The following TNRC6A variants were observed in gnomAD, a reference collection of about 807,000 sequenced individuals.
The protein encoded by TNRC6A is trinucleotide repeat containing adaptor 6A.
A neutral mutation model predicts 221.2 loss-of-function variants in TNRC6A; 44 were observed. The observed-to-expected ratio is 0.20, with a 90% CI of 0.16 to 0.26. The LOEUF (loss-of-function observed/expected upper bound fraction) is 0.26, where lower values mean the gene tolerates loss of function less well. Among genes scored for constraint, TNRC6A ranks in the 10% least tolerant of loss-of-function variants. The pLI, the probability that TNRC6A is intolerant of heterozygous loss-of-function variation, is 1.00. For missense variants in TNRC6A, 2,199 were observed against 2,404.4 expected (o/e 0.91, Z 1.79); for synonymous variants, 847 against 838.5 (o/e 1.01, Z -0.18).
chr16:24,652,729 T>G (rs1383931353), intron 2 of TNRC6A, among the ~76,000 whole-genome samples: 1 of 152,054 alleles, frequency 6.6e-6, no homozygotes, highest in African/African-American at 2.4e-5. Flanking sequence ...GATCTAAGAG[T>G]GTTTTGGGAT....
At position 24,815,243 on chromosome 16, in the gene TNRC6A, TAGG is replaced by T; in HGVS notation, c.4772_4774del (p.Gly1591del). On this transcript the variant is annotated inframe_deletion, in exon 19 of 25. Coordinates refer to ENST00000395799, the MANE Select transcript of TNRC6A (RefSeq NM_014494.4). The stretch of plus-strand genomic sequence containing the variant: ...TCACCAGCCAGTCCTCCAGGTTCAA[TAGG>T]AGATGGCTGGCCACGTGCCAAATCG... 6.2e-7 allele frequency: 1 copy of T among 1,614,210 alleles called. No homozygotes were observed. Among genetic ancestry groups the T allele is most frequent in the South Asian group, 1.1e-5 (1 of 91,084 alleles).
chr16:24,735,867 A>C (rs979784815), intron 2 of TNRC6A, among the ~76,000 whole-genome samples: 7 of 152,200 alleles, frequency 4.6e-5, no homozygotes, highest in Non-Finnish European at 1.0e-4. Context: ...ATCTCATTTT[A>C]AAATTTTAAA....
intron 2 of TNRC6A, among the ~76,000 whole-genome samples, chr16:24,750,118 T>C (rs996588399): frequency 3.3e-5 from 5 of 152,284 alleles, no homozygotes; most frequent in African/African-American, 1.2e-4. Flanking sequence ...CCAGCCTGGG[T>C]GACAGAGCAA....
chr16:24,794,026 C>T (rs909472542), intron 7 of TNRC6A, among the ~76,000 whole-genome samples: 3 of 152,116 alleles, frequency 2.0e-5, no homozygotes, highest in South Asian at 4.1e-4. Context: ...CTGAAAGTTA[C>T]AATTAGCATA....
At chr16:24,787,363 A>G (rs1036547968) in intron 5 of TNRC6A, among the ~76,000 whole-genome samples, 4 of 152,136 alleles carry the variant, frequency 2.6e-5, no homozygotes, top group Non-Finnish European at 5.9e-5. Context: ...TTAATTTTCC[A>G]TAAATTAACC....
At chr16:24,693,935 A>G (rs2055806441) in intron 2 of TNRC6A, among the ~76,000 whole-genome samples, 1 of 152,134 alleles carries the variant, frequency 6.6e-6, no homozygotes, top group South Asian at 2.1e-4. Flanking sequence ...ATTAACATGG[A>G]AGAAAGCAGA....
At position 24,715,038 on chromosome 16, in the gene TNRC6A, G is replaced by A. The variant is rs376403677; in HGVS notation, n.403-35688G>A. Among the ~76,000 whole-genome samples the A allele has an allele frequency of 1.1e-4, 16 of 151,462 alleles. No individual in the cohort carries two copies. In the East Asian group the frequency reaches 1.4e-3, roughly 13 times the overall value. On this transcript the variant is annotated intron_variant and non_coding_transcript_variant, in intron 2 of 2. Coordinates refer to the TNRC6A transcript ENST00000566108. Reference sequence around the variant, plus strand: ...ACTACAGGCACCTGCCACCACACCCGGCTAAGTTTTTGTATTTTTAGTAGA... The same window carrying A: ...ACTACAGGCACCTGCCACCACACCCAGCTAAGTTTTTGTATTTTTAGTAGA...
rs112230830 is a variant in TNRC6A at position 24,783,214 on chromosome 16, C to T, written c.589+5856C>T. ...TGCGATCTCTGCTCACTGCAACCTC[C>T]GCCTCCTGGGTTCAAGCAATTCTCC... is the stretch of plus-strand genomic sequence containing the variant. On this transcript the variant is annotated intron_variant, in intron 5 of 24. Coordinates refer to ENST00000395799, the MANE Select transcript of TNRC6A (RefSeq NM_014494.4). Among the ~76,000 whole-genome samples the T allele has an allele frequency of 9.9e-5, 15 of 152,032 alleles. 1 individual carries two copies. Among genetic ancestry groups the T allele is most frequent in the African/African-American group, 2.7e-4 (11 of 41,480 alleles).
intron 1 of TNRC6A, among the ~76,000 whole-genome samples, chr16:24,613,869 T>A (rs1053849113): frequency 1.3e-5 from 2 of 152,160 alleles, no homozygotes; most frequent in African/African-American, 4.8e-5. Context: ...AGGAGCATAC[T>A]TGGATTTGCA....
chr16:24,640,704 G>A (rs1474943520), intron 1 of TNRC6A, among the ~76,000 whole-genome samples: 1 of 143,264 alleles, frequency 7.0e-6, no homozygotes, highest in Non-Finnish European at 1.5e-5. Context: ...ACTCTGGCCT[G>A]GGCGACAAAA....
chr16:24,794,610 G>T lies in TNRC6A; in HGVS notation c.3419G>T (p.Gly1140Val), dbSNP rs1245213986. 6.2e-7 allele frequency: 1 copy of T among 1,614,042 alleles called. No homozygotes were observed. The highest frequency in any genetic ancestry group is 8.5e-7 in the Non-Finnish European group (1 of 1,179,942). Residue 1140 changes from glycine to valine, a missense_variant, in exon 8 of 25, where the codon GGC becomes GTC. Coordinates refer to ENST00000395799, the MANE Select transcript of TNRC6A (RefSeq NM_014494.4). ...CCATTGCCTGGAAATCGCCCCACTG[G>T]CTGGGAAGAGGAAGAGGATGTGGAG... ...DMPLPGNRPT[G>V]WEEEEDVEIG...
intron 2 of TNRC6A, among the ~76,000 whole-genome samples, chr16:24,695,911 C>T (rs1039469912): frequency 1.3e-5 from 2 of 152,128 alleles, no homozygotes; most frequent in Non-Finnish European, 2.9e-5. Flanking sequence ...CTAGACTCAA[C>T]CCCCTTGAGC....
At chr16:24,686,526 G>A (rs750675935) in intron 2 of TNRC6A, among the ~76,000 whole-genome samples, 14 of 152,190 alleles carry the variant, frequency 9.2e-5, no homozygotes, top group South Asian at 4.1e-4. Context: ...CATCCCCTGC[G>A]TCTGGGCACT....
chr16:24,658,917 TC>T (rs1026386804), intron 2 of TNRC6A, among the ~76,000 whole-genome samples: 5 of 151,952 alleles, frequency 3.3e-5, no homozygotes, highest in African/African-American at 1.2e-4. Context: ...CAAGCGATCC[TC>T]CCACCTCAGC....
intron 6 of TNRC6A, 45 bp from the exon 7 acceptor site, chr16:24,793,427 TC>T: frequency 7.5e-7 from 1 of 1,335,712 alleles, no homozygotes. Context: ...CCACTGCACC[TC>T]CTTACCTTCT....
At chr16:24,635,731 C>A (rs1314732253) in intron 1 of TNRC6A, among the ~76,000 whole-genome samples, 3 of 152,178 alleles carry the variant, frequency 2.0e-5, no homozygotes, top group Non-Finnish European at 4.4e-5. Context: ...AGAGTTTTTG[C>A]ATAATTCTCT....
intron 3 of TNRC6A, among the ~76,000 whole-genome samples, chr16:24,757,466 G>A (rs1487312218): frequency 6.6e-6 from 1 of 152,180 alleles, no homozygotes; most frequent in Non-Finnish European, 1.5e-5. Context: ...TAATTATTCA[G>A]TCTTTTCTCA....
At chr16:24,653,736 C>T (rs1373280834) in intron 2 of TNRC6A, among the ~76,000 whole-genome samples, 1 of 150,518 alleles carries the variant, frequency 6.6e-6, no homozygotes, top group Non-Finnish European at 1.5e-5. Flanking sequence ...ACAGAGATGG[C>T]ACCACTGTAT....
At chr16:24,628,359 G>T (rs1027607197) in intron 1 of TNRC6A, among the ~76,000 whole-genome samples, 3 of 152,054 alleles carry the variant, frequency 2.0e-5, no homozygotes, top group Non-Finnish European at 2.9e-5. Context: ...GGCGGAGGTT[G>T]CAGTGAGCTG....
Sources: gnomAD v4.1 joint callset for allele counts (sites outside exome capture counted in the v4.1 genomes callset) on GRCh38, gnomAD v4.1.1 for gene constraint, MANE v1.5 for transcripts, NCBI Gene and HGNC (gene_info 2026-07-23, HGNC 2026-07-21) for gene names.